The following FLYWCH1 variants were observed in gnomAD, a reference collection of about 807,000 sequenced individuals.
FLYWCH1 encodes the protein FLYWCH-type zinc finger 1, also known as FLYWCH-type zinc finger-containing protein 1.
FLYWCH1 carries 75 observed loss-of-function variants against 66.4 expected under a neutral mutation model. The ratio of observed to expected loss-of-function variants is 1.13; its 90% CI spans 0.94 to 1.37. The LOEUF (loss-of-function observed/expected upper bound fraction) is 1.37, where lower values mean the gene tolerates loss of function less well. Among genes scored for constraint, FLYWCH1 ranks in the 40% most tolerant of loss-of-function variants. The pLI is 0.00. For synonymous variants in FLYWCH1, 595 were observed against 429.9 expected (o/e 1.38, Z -4.75); for missense variants, 1,334 against 1,001.8 (o/e 1.33, Z -4.48).
intron 2 of FLYWCH1, among the ~76,000 whole-genome samples, chr16:2,918,919 T>C (rs896724530): frequency 1.3e-5 from 2 of 152,178 alleles, no homozygotes; most frequent in Non-Finnish European, 2.9e-5. Context: ...AAGATAGTCT[T>C]TACTGAATTT....
chr16:2,923,963 G>T (rs2070467451), intron 2 of FLYWCH1, among the ~76,000 whole-genome samples: 1 of 152,108 alleles, frequency 6.6e-6, no homozygotes. Context: ...TTGAAACTCA[G>T]GAGGTGGAGG....
At chr16:2,946,805 C>T (rs1235041127) in intron 9 of FLYWCH1, among the ~76,000 whole-genome samples, 1 of 152,174 alleles carries the variant, frequency 6.6e-6, no homozygotes, top group Admixed American at 6.6e-5. Context: ...CTGTGACAGA[C>T]CACTTCACAC....
At chr16:2,944,882 T>C (rs2071416903) in intron 9 of FLYWCH1, among the ~76,000 whole-genome samples, 1 of 152,276 alleles carries the variant, frequency 6.6e-6, no homozygotes, top group African/African-American at 2.4e-5. Context: ...TTCAAGACTT[T>C]TTGGAGGTAT....
Position 2,933,729 on chromosome 16 carries a change from C to A in FLYWCH1, c.1263C>A (p.Phe421Leu), listed in dbSNP as rs894448084. The A allele has an allele frequency of 6.2e-7, 1 of 1,612,750 alleles. No individual in the cohort carries two copies. The highest frequency in any genetic ancestry group is 8.5e-7 in the Non-Finnish European group (1 of 1,179,402). Residue 421 changes from phenylalanine (F) to leucine (L), a missense_variant, in exon 6 of 10, where the codon TTC (phenylalanine) becomes TTA (leucine). Phe to Leu is a conservative substitution (Grantham distance 22). Coordinates refer to ENST00000253928, the MANE Select transcript of FLYWCH1 (RefSeq NM_001308068.2). Reference sequence around the variant, plus strand: ...GAACCTCCCCAGGAGGCCCTGAGTTCCTGAAGACGCCCCTGGGGGGCAGCT... The same window carrying A: ...GAACCTCCCCAGGAGGCCCTGAGTTACTGAAGACGCCCCTGGGGGGCAGCT... ...DMDADPGGPE[F>L]LKTPLGGSFL...
chr16:2,932,915 G>C (rs1032016110), intron 4 of FLYWCH1, among the ~76,000 whole-genome samples: 1 of 151,740 alleles, frequency 6.6e-6, no homozygotes, highest in South Asian at 2.1e-4. Flanking sequence ...CTCACTGACC[G>C]CTAGGAGAGG....
At chr16:2,922,217 G>C (rs1052956844) in intron 2 of FLYWCH1, 3 of 137,922 alleles carry the variant, frequency 2.2e-5, no homozygotes, top group Admixed American at 1.5e-4. Flanking sequence ...TGTATAGTTT[G>C]TTACAGATGG....
intron 2 of FLYWCH1, among the ~76,000 whole-genome samples, chr16:2,925,275 G>A (rs778451420): frequency 2.6e-5 from 4 of 152,174 alleles, no homozygotes; most frequent in African/African-American, 4.8e-5. Flanking sequence ...GGGGCCTCGC[G>A]GGACCTGGGC....
In FLYWCH1 at chr16:2,949,016, C is replaced by T. The variant is rs755713070; in HGVS notation, c.*289C>T. ...AAGACATGACAAAGCTGCCTGGACA[C>T]GGACGCCCCTGCTGTACGGCCACAG... On this transcript the variant is annotated 3_prime_UTR_variant, in exon 10 of 10. Coordinates refer to ENST00000253928, the MANE Select transcript of FLYWCH1 (RefSeq NM_001308068.2). 14 of 458,336 alleles carry T rather than the reference C, an allele frequency of 3.1e-5. No homozygotes were observed. Among genetic ancestry groups the T allele is most frequent in the Middle Eastern group, 1.3e-3 (2 of 1,570 alleles). 28.4% of individuals were successfully genotyped at this position (458,336 alleles called of 1,614,324 possible).
Position 2,933,956 on chromosome 16 carries a change from A to T in FLYWCH1, c.1490A>T (p.Asn497Ile), listed in dbSNP as rs199995819. The T allele has an allele frequency of 7.7e-6, 12 of 1,553,210 alleles. No individual in the cohort carries two copies. In the African/African-American group the frequency reaches 1.5e-4, roughly 19 times the overall value. Residue 497 changes from asparagine to isoleucine, a missense_variant, in exon 6 of 10, where the codon AAC (asparagine) becomes ATC (isoleucine). Physicochemically the swap from Asn to Ile is moderately radical, Grantham distance 149. Transcript: ENST00000253928. ...EALRQREKRP[N>I]TAQRGSPGGP... ...CTGAGGCAGCGGGAGAAACGCCCCAACACGGCGCAGCGGGGGAGCCCAGGT... is the reference window on the plus strand; with the variant it reads ...CTGAGGCAGCGGGAGAAACGCCCCATCACGGCGCAGCGGGGGAGCCCAGGT...
chr16:2,927,165 T>C (rs1392522821), intron 2 of FLYWCH1, among the ~76,000 whole-genome samples: 2 of 152,172 alleles, frequency 1.3e-5, no homozygotes, highest in African/African-American at 2.4e-5. Flanking sequence ...GTTTAATACG[T>C]CAGCACCACA....
At chr16:2,948,040 CAAAAAA>C (rs887259863) in intron 9 of FLYWCH1, among the ~76,000 whole-genome samples, 8 of 151,600 alleles carry the variant, frequency 5.3e-5, no homozygotes, top group African/African-American at 7.3e-5. Flanking sequence ...CACCATATCT[CAAAAAA>C]GAAAATTAAT....
Position 2,918,047 on chromosome 16 carries a change from C to T in FLYWCH1, c.-74+3758C>T, listed in dbSNP as rs140323162. Among the ~76,000 whole-genome samples the T allele has an allele frequency of 6.1e-3, 930 of 151,512 alleles. 4 individuals are homozygous for T. Among genetic ancestry groups the T allele is most frequent in the Non-Finnish European group, 9.4e-3 (642 of 67,950 alleles). On this transcript the variant is annotated intron_variant, in intron 2 of 9. Coordinates refer to ENST00000253928, the MANE Select transcript of FLYWCH1 (RefSeq NM_001308068.2). ...AGAGATGGGGTTTTGCCATGTTGGC[C>T]GGGCTTGTCTTGAACTCCTGACCTC...
intron 9 of FLYWCH1, among the ~76,000 whole-genome samples, chr16:2,948,297 G>A (rs1417307755): frequency 6.6e-6 from 1 of 152,118 alleles, no homozygotes; most frequent in Non-Finnish European, 1.5e-5. Context: ...GGTGGCTCAT[G>A]CCTGTAATCC....
intron 2 of FLYWCH1, among the ~76,000 whole-genome samples, chr16:2,927,308 C>A (rs894320664): frequency 7.9e-5 from 12 of 152,288 alleles, no homozygotes; most frequent in Middle Eastern, 3.4e-3. Flanking sequence ...CGTGGCAGTT[C>A]CTGGTAATTT....
intron 2 of FLYWCH1, among the ~76,000 whole-genome samples, chr16:2,918,988 C>T (rs1567320257): frequency 6.6e-6 from 1 of 151,966 alleles, no homozygotes; most frequent in Non-Finnish European, 1.5e-5. Context: ...CCCTCTTTTG[C>T]CCAGGCTGGA....
At chr16:2,921,539 A>AT (rs540423246) in intron 2 of FLYWCH1, among the ~76,000 whole-genome samples, 4 of 151,376 alleles carry the variant, frequency 2.6e-5, no homozygotes, top group South Asian at 4.2e-4. Flanking sequence ...TTACCAAAAT[A>AT]TTTTTTTTTA....
chr16:2,924,202 C>T (rs1278886363), intron 2 of FLYWCH1, among the ~76,000 whole-genome samples: 2 of 151,940 alleles, frequency 1.3e-5, no homozygotes, highest in Non-Finnish European at 2.9e-5. Flanking sequence ...TGGTGGCGGG[C>T]GCCTGTAGTC....
chr16:2,915,595 G>A (rs1376589382), intron 2 of FLYWCH1: 1 of 152,148 alleles, frequency 6.6e-6, no homozygotes, highest in Non-Finnish European at 1.5e-5. Flanking sequence ...AAAATCATTA[G>A]GTTCCAGTCA....
At chr16:2,930,092 C>G in intron 3 of FLYWCH1, 82 bp downstream of exon 3, 1 of 1,239,050 alleles carries the variant, frequency 8.1e-7, no homozygotes, top group Non-Finnish European at 1.1e-6. Flanking sequence ...CTGCTTCAAG[C>G]ATAGTGTCTT....
Sources: gnomAD v4.1 joint callset for allele counts (sites outside exome capture counted in the v4.1 genomes callset) on GRCh38, gnomAD v4.1.1 for gene constraint, MANE v1.5 for transcripts, NCBI Gene and HGNC (gene_info 2026-07-23, HGNC 2026-07-21) for gene names.